Variants in PCDH15 observed in about 807,000 individuals in gnomAD.
PCDH15 encodes protocadherin-15.
PCDH15 carries 129 observed loss-of-function variants against 178.5 expected under a neutral mutation model. The ratio of observed to expected loss-of-function variants is 0.72; its 90% CI spans 0.63 to 0.84. PCDH15 has a LOEUF of 0.84. Ranked by LOEUF, PCDH15 falls within the 40% of genes least tolerant of loss-of-function variation. The probability of loss-of-function intolerance (pLI) is 0.00; values close to 1 mark genes in which losing one functional copy is unlikely to be tolerated. For missense variants in PCDH15, 2,230 were observed against 2,099.9 expected (o/e 1.06, Z -1.21); for synonymous variants, 800 against 732.0 (o/e 1.09, Z -1.50).
chr10:53,995,788 T>C (rs1323906434), intron 20 of PCDH15, 23 bp from the exon 21 acceptor site: 2 of 1,608,278 alleles, frequency 1.2e-6, no homozygotes, highest in South Asian at 1.1e-5. Context: ...ATTAGGAGTT[T>C]AGTACTTCAG....
chr10:54,403,937 C>T (rs1183586196), intron 3 of PCDH15, among the ~76,000 whole-genome samples: 1 of 151,490 alleles, frequency 6.6e-6, no homozygotes, highest in Non-Finnish European at 1.5e-5. Flanking sequence ...TACCAAAGAA[C>T]TACAAAACAC....
chr10:55,539,386 TCTA>T (rs1208836910), intron 2 of PCDH15, among the ~76,000 whole-genome samples: 2 of 152,024 alleles, frequency 1.3e-5, no homozygotes, highest in South Asian at 2.1e-4. Context: ...TTCTCAGACA[TCTA>T]CTATGCAATT....
chr10:54,216,803 A>G (rs12268918), intron 9 of PCDH15, among the ~76,000 whole-genome samples: 15,554 of 152,134 alleles, frequency 0.1, 1,937 homozygotes, highest in African/African-American at 0.3. Flanking sequence ...ACATTTTCCC[A>G]TTTATAATAA....
chr10:54,195,865 G>A lies in PCDH15; in HGVS notation c.1123C>T (p.Leu375Phe). 1 of 1,613,756 alleles carries A rather than the reference G, an allele frequency of 6.2e-7. No homozygotes were observed. Among genetic ancestry groups the A allele is most frequent in the East Asian group, 2.2e-5 (1 of 44,854 alleles). Residue 375 changes from leucine (L) to phenylalanine (F), a missense_variant, in exon 11 of 38, where the codon CTT becomes TTT. Physicochemically the swap from Leu to Phe is conservative, Grantham distance 22. Coordinates refer to ENST00000644397, the MANE Select transcript of PCDH15 (RefSeq NM_001384140.1). Reference protein sequence around the residue: ...IKAEQDNGHPLPAFAGLHIEI... With the variant: ...IKAEQDNGHPFPAFAGLHIEI... ...ATGTGTAGACCGGCAAAGGCAGGAAGAGGATGACCATTGTCTTGTTCAGCC... is the reference window on the plus strand; with the variant it reads ...ATGTGTAGACCGGCAAAGGCAGGAAAAGGATGACCATTGTCTTGTTCAGCC...
chr10:55,322,697 G>T (rs191386365), upstream of PCDH15, among the ~76,000 whole-genome samples: 37 of 151,890 alleles, frequency 2.4e-4, no homozygotes, highest in East Asian at 4.5e-3. Context: ...CTTTGAACGT[G>T]TGAGAGATAA....
At chr10:54,941,345 G>T (rs1347735290) in intron 2 of PCDH15, among the ~76,000 whole-genome samples, 13 of 151,902 alleles carry the variant, frequency 8.6e-5, no homozygotes, top group Admixed American at 8.5e-4. Context: ...ATTGTACAAT[G>T]ATTATTTTAC....
At chr10:54,807,929 AT>A (rs1443949060) in intron 3 of PCDH15, among the ~76,000 whole-genome samples, 1 of 151,520 alleles carries the variant, frequency 6.6e-6, no homozygotes, top group Non-Finnish European at 1.5e-5. Flanking sequence ...TATCAGCCTA[AT>A]ATTTTGCTGA....
At chr10:54,511,590 T>C (rs2081668549) in intron 3 of PCDH15, among the ~76,000 whole-genome samples, 1 of 152,216 alleles carries the variant, frequency 6.6e-6, no homozygotes, top group Non-Finnish European at 1.5e-5. Context: ...TTATGTGATA[T>C]ATCATACGGT....
chr10:55,544,216 A>G (rs1841830744), intron 2 of PCDH15, among the ~76,000 whole-genome samples: 1 of 146,272 alleles, frequency 6.8e-6, no homozygotes, highest in African/African-American at 2.5e-5. Flanking sequence ...GTAGCTGGTT[A>G]CACTTATACA....
intron 8 of PCDH15, among the ~76,000 whole-genome samples, chr10:54,254,120 C>T (rs1379017264): frequency 6.6e-6 from 1 of 151,818 alleles, no homozygotes; most frequent in Non-Finnish European, 1.5e-5. Context: ...CTCAAAATAC[C>T]ATAAACTCTA....
intron 2 of PCDH15, among the ~76,000 whole-genome samples, chr10:54,965,608 CATAT>C (rs71461263): frequency 0.091 from 12,794 of 141,176 alleles, 578 homozygotes; most frequent in Non-Finnish European, 0.1. Context: ...AACTTTGCTT[CATAT>C]ATATATATAT....
intron 1 of PCDH15, among the ~76,000 whole-genome samples, chr10:54,676,772 T>C (rs931455170): frequency 1.3e-5 from 2 of 152,190 alleles, no homozygotes; most frequent in African/African-American, 4.8e-5. Flanking sequence ...ATTTATCTTA[T>C]AAAAACATCA....
intron 35 of PCDH15, among the ~76,000 whole-genome samples, chr10:53,814,237 A>C (rs73236363): frequency 0.031 from 4,687 of 152,262 alleles, 239 homozygotes; most frequent in African/African-American, 0.11. Flanking sequence ...ATACTGAGAA[A>C]ATAACTTCAA....
chr10:55,205,066 A>C lies in PCDH15; in HGVS notation c.-155-38415T>G, dbSNP rs573524672. On this transcript the variant is annotated intron_variant, in intron 1 of 5. Transcript: ENST00000458638. ...AAACAGGCTCCTCAGATATCCTCAG[A>C]TCTTACTTCCAAGCAAGCCAACTAT... 6.8e-4 allele frequency among the ~76,000 whole-genome samples: 103 copies of C among 152,202 alleles called. 1 individual carries two copies. Among genetic ancestry groups the C allele is most frequent in the Middle Eastern group, 3.4e-3 (1 of 294 alleles).
rs536502901 is a variant in PCDH15, at chr10:53,979,726, T to C, written c.2868+15923A>G. Among the ~76,000 whole-genome samples, 5 of 152,210 alleles carry C rather than the reference T, an allele frequency of 3.3e-5. No individual in the cohort carries two copies. In the East Asian group the frequency reaches 9.7e-4, roughly 29 times the overall value. Reference sequence around the variant, plus strand: ...TTCCCAACATTTCTGATTAAAACTGTGAAAAGGAAACATGTGGTGCTATTA... The same window carrying C: ...TTCCCAACATTTCTGATTAAAACTGCGAAAAGGAAACATGTGGTGCTATTA... On this transcript the variant is annotated intron_variant, in intron 21 of 37. Transcript: ENST00000644397.
chr10:55,221,113 A>C (rs1273281838), intron 1 of PCDH15, among the ~76,000 whole-genome samples: 2 of 152,070 alleles, frequency 1.3e-5, no homozygotes, highest in African/African-American at 4.8e-5. Flanking sequence ...AATGGATCTT[A>C]AAAATGTGGA....
chr10:54,161,249 G>A (rs555940662), intron 13 of PCDH15, among the ~76,000 whole-genome samples: 12 of 152,154 alleles, frequency 7.9e-5, no homozygotes, highest in Non-Finnish European at 1.8e-4. Context: ...CCACAGCATA[G>A]ATGAGCTACA....
intron 32 of PCDH15, among the ~76,000 whole-genome samples, chr10:53,820,637 A>C (rs1179351432): frequency 6.6e-6 from 1 of 152,054 alleles, no homozygotes; most frequent in Non-Finnish European, 1.5e-5. Flanking sequence ...TCCAGTAAAT[A>C]AAACCTATTC....
chr10:54,661,073 A>G (rs1027536083), intron 2 of PCDH15, among the ~76,000 whole-genome samples: 1 of 152,030 alleles, frequency 6.6e-6, no homozygotes, highest in African/African-American at 2.4e-5. Context: ...AAATAAATAA[A>G]TGTCTTCCAT....
Sources: allele counts gnomAD v4.1 joint callset (sites outside exome capture counted in the v4.1 genomes callset), GRCh38; gene constraint gnomAD v4.1.1; transcripts MANE v1.5; gene names NCBI Gene and HGNC (gene_info 2026-07-23, HGNC 2026-07-21).